Variants in DIP2C observed in about 807,000 individuals in gnomAD.
The protein encoded by DIP2C is DIP2 acetate--CoA ligase C (putative).
A neutral mutation model predicts 192.4 loss-of-function variants in DIP2C; 33 were observed. The observed-to-expected ratio is 0.17, with a 90% CI of 0.13 to 0.23. DIP2C has a LOEUF of 0.23. DIP2C is among the 10% of genes least tolerant of loss of function. DIP2C has a pLI of 1.00. For synonymous variants in DIP2C, 979 were observed against 864.1 expected, an observed-to-expected ratio of 1.13 and a Z score of -2.33; for missense variants, 1,537 against 2,110.1, an observed-to-expected ratio of 0.73 and a Z score of 5.32.
At chr10:358,973 T>C (rs1959192447) in intron 22 of DIP2C, among the ~76,000 whole-genome samples, 1 of 152,034 alleles carries the variant, frequency 6.6e-6, no homozygotes, top group African/African-American at 2.4e-5. Flanking sequence ...ATCAAATTCT[T>C]AAATTCCCGA....
intron 32 of DIP2C, among the ~76,000 whole-genome samples, chr10:308,865 G>A (rs551757511): frequency 7.2e-5 from 11 of 152,298 alleles, no homozygotes; most frequent in African/African-American, 1.4e-4. Flanking sequence ...TGGCCCTGGC[G>A]TGTGAGCTCT....
chr10:382,446 AAAT>A (rs1962461350), intron 17 of DIP2C, 198 bp downstream of exon 17: 3 of 511,606 alleles, frequency 5.9e-6, no homozygotes, highest in Non-Finnish European at 1.0e-5. Context: ...AGAGAGCGAT[AAAT>A]GTTTTTTAAT....
intron 1 of DIP2C, among the ~76,000 whole-genome samples, chr10:561,794 G>A (rs748550359): frequency 6.6e-6 from 1 of 152,152 alleles, no homozygotes; most frequent in African/African-American, 2.4e-5. Flanking sequence ...CAGTGTTTTC[G>A]CCATTGTGAA....
chr10:523,003 C>G (rs947467), intron 1 of DIP2C, among the ~76,000 whole-genome samples: 147,736 of 152,012 alleles, frequency 0.97, 71,910 homozygotes, highest in Non-Finnish European at 1. Flanking sequence ...TGCACGGACT[C>G]TGTGTGACAC....
chr10:419,518 C>T (rs1278522536), intron 5 of DIP2C, among the ~76,000 whole-genome samples: 1 of 152,192 alleles, frequency 6.6e-6, no homozygotes, highest in Admixed American at 6.5e-5. Context: ...TGTGTGTGTT[C>T]ACGGAGGGGT....
chr10:460,899 T>G (rs1564740423), intron 3 of DIP2C, among the ~76,000 whole-genome samples: 1 of 152,124 alleles, frequency 6.6e-6, no homozygotes, highest in Non-Finnish European at 1.5e-5. Context: ...GGGGCCAATA[T>G]TCAACATTCT....
At chr10:513,607 C>T (rs1329408557) in intron 1 of DIP2C, among the ~76,000 whole-genome samples, 2 of 113,792 alleles carry the variant, frequency 1.8e-5, no homozygotes, top group East Asian at 2.6e-4. Flanking sequence ...CCCTGTACCA[C>T]GCCTTCCACA....
Position 579,161 on chromosome 10 carries a change from C to G in DIP2C, c.86-92631G>C, listed in dbSNP as rs569874751. 2.5e-4 allele frequency among the ~76,000 whole-genome samples: 38 copies of G among 151,752 alleles called. 1 individual carries two copies. In the East Asian group the frequency reaches 6.1e-3, roughly 24 times the overall value. On this transcript the variant is annotated intron_variant, in intron 1 of 36. Transcript: ENST00000280886. ...CATGCGTAGAGCATACACCCAGATA[C>G]AGTGTACAAACCTAAGTGCACTATA...
chr10:643,329 C>T lies in DIP2C; in HGVS notation c.85+46165G>A, dbSNP rs556131156. Among the ~76,000 whole-genome samples, 14 of 151,874 alleles carry T rather than the reference C, an allele frequency of 9.2e-5. No homozygotes were observed. The East Asian group carries it at 9.7e-4, about 11-fold the overall frequency. On this transcript the variant is annotated intron_variant, in intron 1 of 36. Coordinates refer to ENST00000280886, the MANE Select transcript of DIP2C (RefSeq NM_014974.3). ...GAGATCGAGACCATCCTGGCTAACA[C>T]GGTAAAACCCCGTCTCTACTAAAAA...
At chr10:465,918 G>A (rs1428256842) in intron 3 of DIP2C, among the ~76,000 whole-genome samples, 3 of 152,082 alleles carry the variant, frequency 2.0e-5, no homozygotes, top group Non-Finnish European at 2.9e-5. Flanking sequence ...AACATTCCAT[G>A]CTCTTGGGTA....
At chr10:350,439 G>C (rs1958735449) in intron 24 of DIP2C, among the ~76,000 whole-genome samples, 1 of 152,128 alleles carries the variant, frequency 6.6e-6, no homozygotes, top group Non-Finnish European at 1.5e-5. Context: ...TACAGTCCTA[G>C]TTCCTTTGCA....
intron 32 of DIP2C, among the ~76,000 whole-genome samples, chr10:294,902 A>C (rs1955675956): frequency 6.6e-6 from 1 of 152,190 alleles, no homozygotes; most frequent in Non-Finnish European, 1.5e-5. Context: ...ATACATTTGC[A>C]AACTACTCAC....
chr10:367,076 G>A (rs1018010816), intron 18 of DIP2C, among the ~76,000 whole-genome samples: 2 of 152,240 alleles, frequency 1.3e-5, no homozygotes, highest in African/African-American at 4.8e-5. Flanking sequence ...CACCCGCTGG[G>A]CTGGAGTACA....
In DIP2C at chr10:351,801, C is replaced by T. The variant is rs138194943; in HGVS notation, c.2986-2347G>A. On this transcript the variant is annotated intron_variant, in intron 24 of 36. Coordinates refer to ENST00000280886, the MANE Select transcript of DIP2C (RefSeq NM_014974.3). Reference sequence around the variant, plus strand: ...GGGGCTCCTTGCCACCTGTTCACAGCAACCAGCCCACCGGCTCCTTGCCGC... The same window carrying T: ...GGGGCTCCTTGCCACCTGTTCACAGTAACCAGCCCACCGGCTCCTTGCCGC... 2.8e-3 allele frequency among the ~76,000 whole-genome samples: 425 copies of T among 152,212 alleles called. 1 individual carries two copies. Among genetic ancestry groups the T allele is most frequent in the Middle Eastern group, 0.017 (5 of 294 alleles).
intron 1 of DIP2C, among the ~76,000 whole-genome samples, chr10:633,084 G>A (rs143008757): frequency 1.3e-5 from 2 of 152,380 alleles, no homozygotes; most frequent in Non-Finnish European, 2.9e-5. Context: ...AACTGAGGAG[G>A]ATGAGGACGA....
intron 1 of DIP2C, among the ~76,000 whole-genome samples, chr10:620,397 T>G (rs1159098419): frequency 6.6e-6 from 1 of 152,020 alleles, no homozygotes; most frequent in East Asian, 1.9e-4. Flanking sequence ...AAACCTACAT[T>G]GGACTCAAAG....
intron 31 of DIP2C, among the ~76,000 whole-genome samples, chr10:326,760 T>G (rs1447282628): frequency 1.3e-5 from 2 of 151,442 alleles, no homozygotes; most frequent in African/African-American, 4.8e-5. Flanking sequence ...CTGCTACCCC[T>G]GTCACAAAAG....
chr10:435,658 G>A (rs1256501038), intron 4 of DIP2C, among the ~76,000 whole-genome samples: 1 of 152,202 alleles, frequency 6.6e-6, no homozygotes, highest in Non-Finnish European at 1.5e-5. Flanking sequence ...AAGAAGAGCT[G>A]CTGAGTTTTC....
Position 326,984 on chromosome 10 carries a change from C to T in DIP2C, c.3924+22G>A, listed in dbSNP as rs1035869899. On this transcript the variant is annotated intron_variant, in intron 31 of 36. Transcript: ENST00000280886. Reference sequence around the variant, plus strand: ...CGGGAGCCACACTTCCCACTCAGCACTGTGATGTCGCCGAATCTCACCTGC... The same window carrying T: ...CGGGAGCCACACTTCCCACTCAGCATTGTGATGTCGCCGAATCTCACCTGC... 3 of 1,600,656 alleles carry T rather than the reference C, an allele frequency of 1.9e-6. No homozygotes were observed. The African/African-American group carries it at 4.0e-5, about 21-fold the overall frequency.
Sources: gnomAD v4.1 joint callset for allele counts (sites outside exome capture counted in the v4.1 genomes callset) on GRCh38, gnomAD v4.1.1 for gene constraint, MANE v1.5 for transcripts, NCBI Gene and HGNC (gene_info 2026-07-23, HGNC 2026-07-21) for gene names.